CROCC: variants seen among roughly 807,000 people sequenced by gnomAD.
CROCC encodes the protein ciliary rootlet coiled-coil, rootletin.
In CROCC, 180 loss-of-function variants were observed where a neutral mutation model predicts 245.2. The observed-to-expected ratio is 0.73, with a 90% CI of 0.65 to 0.83. The LOEUF is 0.83. Ranked by LOEUF, CROCC falls within the 40% of genes least tolerant of loss-of-function variation. The probability of loss-of-function intolerance (pLI) is 0.00; values close to 1 mark genes in which losing one functional copy is unlikely to be tolerated. For synonymous variants in CROCC, 1,205 were observed against 1,241.6 expected, an observed-to-expected ratio of 0.97 and a Z score of 0.62; for missense variants, 2,688 against 2,779.4, an observed-to-expected ratio of 0.97 and a Z score of 0.74.
In CROCC at chr1:16,970,013, A is replaced by G. The variant is rs534856169; in HGVS notation, c.5451+79A>G. The G allele has an allele frequency of 1.3e-5, 19 of 1,489,926 alleles. No homozygotes were observed. The South Asian group carries it at 2.4e-4, about 19-fold the overall frequency. The allele number at this position is 1,489,926 out of a possible 1,614,324, so 92.3% of individuals were successfully genotyped here. A position where few individuals can be genotyped will look rare whatever the true frequency, so the allele number is the denominator to read the frequency against. On this transcript the variant is annotated intron_variant, in intron 33 of 36. Transcript: ENST00000375541. ...GGGTGGGGACGTTCCCACCCATCTC[A>G]ACCTCATCCCAAACCCTGGTGCAGC...
rs1377014319 is a variant in CROCC at position 16,970,307 on chromosome 1, C to T, written c.5506C>T (p.Leu1836=). The change falls in exon 34 of 37, where the codon CTG becomes TTG. Residue 1836 remains leucine, a synonymous_variant. Transcript: ENST00000375541. ...EAAALNTVQK[L]QDERRLLQER... ...TGCAGCCCTGAACACCGTCCAGAAG[C>T]TGCAAGACGAGCGGCGGCTGCTGCA... is the stretch of plus-strand genomic sequence containing the variant. 3 of 1,586,420 alleles carry T rather than the reference C, an allele frequency of 1.9e-6. No individual in the cohort carries two copies. Among genetic ancestry groups the T allele is most frequent in the Non-Finnish European group, 2.6e-6 (3 of 1,167,554 alleles).
chr1:16,918,300 C>CTTT (rs201445636), upstream of CROCC, among the ~76,000 whole-genome samples: 9,377 of 121,760 alleles, frequency 0.077, 205 homozygotes, highest in Non-Finnish European at 0.1. Flanking sequence ...GGAATTCAGT[C>CTTT]TTTTTTTTTT....
Position 16,930,325 on chromosome 1 carries a change from C to T in CROCC, c.661C>T (p.Arg221Trp), listed in dbSNP as rs148377063. Residue 221 changes from arginine (R) to tryptophan (W), a missense_variant, in exon 6 of 37, where the codon CGG becomes TGG. Physicochemically the swap from Arg to Trp is moderately radical, Grantham distance 101. Around this residue, in one of 9 missense-constraint regions of CROCC, gnomAD observed 972 missense variants for 895.3 expected, o/e 1.09. Transcript: ENST00000375541. ...HSQDLESALI[R>W]LEEEQQRSAS... ...CCAAGACCTGGAAAGCGCCCTCATC[C>T]GGCTGGAGGAGGAGCAGCAGAGGTG... The T allele has an allele frequency of 5.8e-5, 94 of 1,609,578 alleles. 1 individual carries two copies. The highest frequency in any genetic ancestry group is 1.4e-4 in the South Asian group (13 of 90,530).
chr1:16,970,101 TGA>T (rs776564590), intron 33 of CROCC, 150 bp from the exon 34 acceptor site: 6 of 1,179,274 alleles, frequency 5.1e-6, no homozygotes, highest in African/African-American at 1.5e-5. Context: ...AGAAACAGAC[TGA>T]GAGAGACAGG....
chr1:16,930,120 C>A lies in CROCC; in HGVS notation c.538-4C>A, dbSNP rs373961830. The A allele has an allele frequency of 2.5e-3, 3,993 of 1,589,198 alleles. 7 individuals carry two copies. The highest frequency in any genetic ancestry group is 2.6e-3 in the Non-Finnish European group (3,091 of 1,168,604). ...GGGGCTCACCATCAGCTCCCCATCC[C>A]CAGATTCTCCAGTACAAGAAGAGGT... On this transcript the variant is annotated splice_polypyrimidine_tract_variant and splice_region_variant and intron_variant, in intron 4 of 36. Coordinates refer to ENST00000375541, the MANE Select transcript of CROCC (RefSeq NM_014675.5).
intron 2 of CROCC, among the ~76,000 whole-genome samples, 165 bp downstream of exon 2, chr1:16,922,963 C>G (rs2075443080): frequency 6.6e-6 from 1 of 152,288 alleles, no homozygotes. Flanking sequence ...AACAGAGGCT[C>G]AGGGATGTAA....
At position 16,946,400 on chromosome 1, in the gene CROCC, G is replaced by A. The variant is rs367948987; in HGVS notation, c.2278G>A (p.Ala760Thr). The stretch of plus-strand genomic sequence containing the variant: ...CAAGTTGGATCTGAACCGCCTTGTC[G>A]CCCAGGTACGCTGTGCACCTGCGGG... ...QDKLDLNRLV[A>T]QLEEEKSALQ... Residue 760 changes from alanine to threonine, a missense_variant, in exon 16 of 37, where the codon GCC becomes ACC. This residue lies in a region of CROCC where 295 missense variants were observed against 241.7 expected (regional missense o/e 1.22). Transcript: ENST00000375541. 2.5e-5 allele frequency: 41 copies of A among 1,610,738 alleles called. No individual in the cohort carries two copies. Among genetic ancestry groups the A allele is most frequent in the South Asian group, 3.3e-5 (3 of 90,798 alleles).
intron 13 of CROCC, chr1:16,941,563 C>T (rs1323598433): frequency 6.6e-6 from 1 of 152,508 alleles, no homozygotes; most frequent in Non-Finnish European, 1.5e-5. Context: ...CCCGTCTCTA[C>T]TAAAAATACA....
intron 13 of CROCC, among the ~76,000 whole-genome samples, chr1:16,943,206 A>T (rs1570646010): frequency 6.7e-6 from 1 of 150,074 alleles, no homozygotes. Flanking sequence ...CGTGCACTGC[A>T]CTCCAGCCTG....
At chr1:16,970,123 A>G in intron 33 of CROCC, 130 bp from the exon 34 acceptor site, 1 of 1,208,406 alleles carries the variant, frequency 8.3e-7, no homozygotes, top group East Asian at 2.6e-5. Context: ...GTTTGGCTTC[A>G]GGTGACAATT....
At chr1:16,938,790 C>G in intron 11 of CROCC, 119 bp from the exon 12 acceptor site, 1 of 1,036,390 alleles carries the variant, frequency 9.6e-7, no homozygotes, top group South Asian at 1.5e-5. Context: ...AGGAAGGCTT[C>G]TTGTAAGAGG....
chr1:16,970,903 A>G, intron 35 of CROCC, 136 bp downstream of exon 35: 1 of 1,101,266 alleles, frequency 9.1e-7, no homozygotes, highest in Non-Finnish European at 1.2e-6. Context: ...CCAGTGACCC[A>G]GCGGGCCATG....
chr1:16,937,491 G>T (rs545351261), intron 9 of CROCC, 150 bp from the exon 10 acceptor site: 12 of 659,438 alleles, frequency 1.8e-5, no homozygotes, highest in Non-Finnish European at 2.7e-5. Flanking sequence ...GATCTGGAGA[G>T]GAGCCGGGAC....
intron 26 of CROCC, among the ~76,000 whole-genome samples, chr1:16,960,256 A>G (rs1220966099): frequency 6.6e-6 from 1 of 152,044 alleles, no homozygotes; most frequent in African/African-American, 2.4e-5. Flanking sequence ...ACAGAGCTAG[A>G]CTCTGTCTCC....
intron 27 of CROCC, among the ~76,000 whole-genome samples, chr1:16,962,534 CAAAAAAAAAAA>C (rs1197806001): frequency 6.4e-4 from 14 of 21,882 alleles, no homozygotes; most frequent in Non-Finnish European, 9.7e-4. Flanking sequence ...GACTCCGTCT[CAAAAAAAAAAA>C]AAAAAAAAAA....
rs1206406800 is a variant in CROCC at position 16,951,134 on chromosome 1, T to C, written c.3006+12T>C. 1 of 1,491,048 alleles carries C rather than the reference T, an allele frequency of 6.7e-7. No homozygotes were observed. Among genetic ancestry groups the C allele is most frequent in the Non-Finnish European group, 9.0e-7 (1 of 1,117,242 alleles). The allele number at this position is 1,491,048 out of a possible 1,614,324, so 92.4% of individuals were successfully genotyped here. ...TCCAGCGTGAAAAGGTTCAGGCAGC[T>C]GGGGAGGGGTGGGCAGGACTCTGAG... On this transcript the variant is annotated intron_variant, in intron 20 of 36. Coordinates refer to ENST00000375541, the MANE Select transcript of CROCC (RefSeq NM_014675.5).
intron 2 of CROCC, among the ~76,000 whole-genome samples, chr1:16,923,725 G>A (rs2075464276): frequency 1.5e-5 from 2 of 135,846 alleles, no homozygotes. Flanking sequence ...GTGTTGCCCA[G>A]GCTGGAGTGC....
chr1:16,966,602 C>T lies in CROCC; in HGVS notation c.4860+31C>T, dbSNP rs567412512. On this transcript the variant is annotated intron_variant, in intron 30 of 36. Coordinates refer to ENST00000375541, the MANE Select transcript of CROCC (RefSeq NM_014675.5). This position sits in a 1 kb window ranked among gnomAD's most constrained non-coding sequence, Gnocchi z 4.8. ...CAGGAGCTGAGGGCCAGCGGGGCGA[C>T]GGGGAATCTGTGTACCCGAGTGAGT... is the stretch of plus-strand genomic sequence containing the variant. 2.2e-5 allele frequency: 32 copies of T among 1,451,116 alleles called. No individual in the cohort carries two copies. Among genetic ancestry groups the T allele is most frequent in the Middle Eastern group, 2.0e-4 (1 of 5,048 alleles). The allele number at this position is 1,451,116 out of a possible 1,614,324, so 89.9% of individuals were successfully genotyped here. A position where few individuals can be genotyped will look rare whatever the true frequency, so the allele number is the denominator to read the frequency against.
rs1229510030 is a variant in CROCC at position 16,970,758 on chromosome 1, G to A, written c.5775G>A (p.Gln1925=). 5 of 1,588,030 alleles carry A rather than the reference G, an allele frequency of 3.1e-6. No individual in the cohort carries two copies. The African/African-American group carries it at 4.1e-5, about 13-fold the overall frequency. ...LELAEAQRQI[Q]QLEAQVVVLE... ...TGGCAGAGGCGCAGAGGCAGATCCA[G>A]CAGCTGGAGGTCTGACCCCACCCAG... The change falls in exon 35 of 37, where the codon CAG becomes CAA. Residue 1925 remains glutamine, a synonymous_variant. Coordinates refer to ENST00000375541, the MANE Select transcript of CROCC (RefSeq NM_014675.5).
Sources: allele counts gnomAD v4.1 joint callset (sites outside exome capture counted in the v4.1 genomes callset), GRCh38; gene constraint gnomAD v4.1.1; regional missense constraint gnomAD v4.1.1; non-coding constraint Gnocchi (gnomAD v3.1); transcripts MANE v1.5; gene names NCBI Gene and HGNC (gene_info 2026-07-23, HGNC 2026-07-21).